KAZN: variants seen among roughly 807,000 people sequenced by gnomAD.
KAZN encodes the protein kazrin, periplakin interacting protein.
KAZN carries 40 observed loss-of-function variants against 87.4 expected under a neutral mutation model. That is an observed-to-expected ratio of 0.46 (90% CI 0.36 to 0.60). The LOEUF is 0.60. KAZN is among the 20% of genes least tolerant of loss of function. The probability of loss-of-function intolerance (pLI) is 0.00; values close to 1 mark genes in which losing one functional copy is unlikely to be tolerated. For missense variants in KAZN, 898 were observed against 1,073.9 expected, an observed-to-expected ratio of 0.84 and a Z score of 2.29; for synonymous variants, 466 against 458.3, an observed-to-expected ratio of 1.02 and a Z score of -0.22.
intron 1 of KAZN, among the ~76,000 whole-genome samples, chr1:14,152,841 T>C (rs1163357377): frequency 6.6e-6 from 1 of 152,234 alleles, no homozygotes; most frequent in East Asian, 1.9e-4. Flanking sequence ...TTCATATCCT[T>C]GCCAGCATTT....
In KAZN at chr1:14,192,329, T is replaced by C. The variant is rs1646437245; in HGVS notation, c.249+11737T>C. Among the ~76,000 whole-genome samples the C allele has an allele frequency of 2.0e-5, 3 of 152,260 alleles. No homozygotes were observed. In the South Asian group the frequency reaches 6.2e-4, roughly 32 times the overall value. On this transcript the variant is annotated intron_variant, in intron 2 of 16. Coordinates refer to the KAZN transcript ENST00000636203. ...TCCTTTATATGCAATACTGTCCCAT[T>C]GATATTCCATACTTGGTTAGCCACA...
In KAZN at chr1:15,103,346, G is replaced by A; in HGVS notation, c.1780-13G>A. ...CCCTTGTCCCTCCGAATGACCCACT[G>A]TCTCCCCACAAGGCCCTCCAGGAGC... On this transcript the variant is annotated splice_polypyrimidine_tract_variant and intron_variant, in intron 11 of 14. Transcript: ENST00000376030. The A allele has an allele frequency of 6.5e-7, 1 of 1,548,504 alleles. No homozygotes were observed.
intron 1 of KAZN, among the ~76,000 whole-genome samples, chr1:14,935,337 T>C: frequency 6.6e-6 from 1 of 152,172 alleles, no homozygotes; most frequent in South Asian, 2.1e-4. Flanking sequence ...GCCTCCTGGG[T>C]TCAAGAAATT....
chr1:14,751,312 G>C (rs1357692374), intron 1 of KAZN, among the ~76,000 whole-genome samples: 1 of 152,152 alleles, frequency 6.6e-6, no homozygotes, highest in Non-Finnish European at 1.5e-5. Flanking sequence ...CTTGCATGCT[G>C]TTCTGTAACC....
intron 2 of KAZN, among the ~76,000 whole-genome samples, chr1:14,183,910 A>C (rs1646251594): frequency 1.3e-5 from 1 of 75,252 alleles, no homozygotes; most frequent in Non-Finnish European, 2.3e-5. Context: ...TGCTGACCTA[A>C]GGAGGCTGCC....
chr1:15,076,561 C>G lies in KAZN; in HGVS notation c.1222+10808C>G, dbSNP rs899893310. 8.0e-4 allele frequency among the ~76,000 whole-genome samples: 122 copies of G among 152,206 alleles called. 1 individual carries two copies. Among genetic ancestry groups the G allele is most frequent in the African/African-American group, 2.8e-3 (117 of 41,450 alleles). On this transcript the variant is annotated intron_variant, in intron 8 of 14. Transcript: ENST00000376030. The stretch of plus-strand genomic sequence containing the variant: ...GACACCCCAGCTGCTTCTTTCAGGG[C>G]TGCAGAGGCCCACGTGACAGAAAAT...
exon 1 of KAZN, chr1:13,893,032 C>A (rs1031880673): frequency 6.6e-6 from 1 of 152,184 alleles, no homozygotes; most frequent in Non-Finnish European, 1.5e-5. Flanking sequence ...CCGCCCGCCT[C>A]CCGCGCTCTC....
intron 2 of KAZN, among the ~76,000 whole-genome samples, chr1:14,561,627 C>T (rs762086429): frequency 4.6e-5 from 7 of 152,202 alleles, no homozygotes; most frequent in South Asian, 4.2e-4. Context: ...TTCTGCTGGG[C>T]GCAGTGGCTC....
intron 1 of KAZN, among the ~76,000 whole-genome samples, chr1:14,009,853 A>T (rs1157117128): frequency 2.6e-5 from 4 of 152,186 alleles, no homozygotes; most frequent in Non-Finnish European, 5.9e-5. Context: ...ACTGAAGGAG[A>T]ACCCACTCTG....
intron 2 of KAZN, among the ~76,000 whole-genome samples, chr1:14,565,489 G>T (rs1674501401): frequency 6.6e-6 from 1 of 152,192 alleles, no homozygotes. Context: ...GATGGTGGCT[G>T]CTGGAGGTTA....
chr1:14,999,493 T>G (rs1165748193), intron 2 of KAZN, among the ~76,000 whole-genome samples: 6 of 128,230 alleles, frequency 4.7e-5, no homozygotes, highest in East Asian at 2.5e-4. Flanking sequence ...AGGCATTGCC[T>G]GCCCCCCTCC....
At chr1:13,955,998 C>T (rs1175045685) in intron 1 of KAZN, among the ~76,000 whole-genome samples, 2 of 152,150 alleles carry the variant, frequency 1.3e-5, no homozygotes, top group African/African-American at 2.4e-5. Flanking sequence ...CATGAGCGCC[C>T]ATCATCCCAG....
chr1:14,479,321 G>A (rs1423604633), intron 2 of KAZN, among the ~76,000 whole-genome samples: 1 of 152,182 alleles, frequency 6.6e-6, no homozygotes, highest in African/African-American at 2.4e-5. Context: ...ACCTGCTCCA[G>A]AATGATCTAC....
chr1:14,878,699 G>A (rs948853780), intron 1 of KAZN, among the ~76,000 whole-genome samples: 10 of 152,218 alleles, frequency 6.6e-5, no homozygotes, highest in African/African-American at 2.2e-4. Context: ...GCAGAGCCCT[G>A]CAGATGCCCA....
At chr1:14,783,783 A>C (rs1645423669) in intron 1 of KAZN, among the ~76,000 whole-genome samples, 1 of 152,180 alleles carries the variant, frequency 6.6e-6, no homozygotes, top group Non-Finnish European at 1.5e-5. Flanking sequence ...CCTGGAAGAC[A>C]GAAGGGCATG....
At chr1:14,709,001 G>A (rs530361382) in intron 1 of KAZN, among the ~76,000 whole-genome samples, 32 of 152,222 alleles carry the variant, frequency 2.1e-4, no homozygotes, top group Non-Finnish European at 3.2e-4. Context: ...GAGGTGCATG[G>A]TACCTGTTGG....
intron 3 of KAZN, among the ~76,000 whole-genome samples, chr1:15,038,617 G>A (rs1036235700): frequency 6.6e-6 from 1 of 152,090 alleles, no homozygotes; most frequent in Non-Finnish European, 1.5e-5. Flanking sequence ...ACTATATACA[G>A]GCATGAACAT....
chr1:14,655,734 A>G (rs566483326), intron 1 of KAZN, among the ~76,000 whole-genome samples: 37 of 152,306 alleles, frequency 2.4e-4, no homozygotes, highest in African/African-American at 7.2e-4. Context: ...GAACTTTTGC[A>G]TCTACCGAAT....
intron 1 of KAZN, among the ~76,000 whole-genome samples, chr1:13,934,619 G>A (rs1640651271): frequency 6.6e-6 from 1 of 152,206 alleles, no homozygotes; most frequent in Non-Finnish European, 1.5e-5. Context: ...CAGATAGACA[G>A]TTTCATGTGA....
Sources: gnomAD v4.1 joint callset for allele counts (sites outside exome capture counted in the v4.1 genomes callset) on GRCh38, gnomAD v4.1.1 for gene constraint, MANE v1.5 for transcripts, NCBI Gene and HGNC (gene_info 2026-07-23, HGNC 2026-07-21) for gene names.